Variants in PIBF1 observed in about 807,000 individuals in gnomAD.
PIBF1 encodes the protein progesterone immunomodulatory binding factor 1.
A neutral mutation model predicts 112.5 loss-of-function variants in PIBF1; 90 were observed. The ratio of observed to expected loss-of-function variants is 0.80; its 90% confidence interval spans 0.67 to 0.95. PIBF1 has a LOEUF of 0.95. Among genes scored for constraint, PIBF1 ranks in the 40% least tolerant of loss-of-function variants. The pLI is 0.00. For missense variants in PIBF1, 915 were observed against 852.3 expected, an observed-to-expected ratio of 1.07 and a Z score of -0.92; for synonymous variants, 301 against 288.6, an observed-to-expected ratio of 1.04 and a Z score of -0.44.
intron 9 of PIBF1, among the ~76,000 whole-genome samples, chr13:72,847,021 G>C (rs891064398): frequency 6.6e-6 from 1 of 152,184 alleles, no homozygotes; most frequent in Non-Finnish European, 1.5e-5. Context: ...GATCAGGACT[G>C]AGTGTCGTTT....
intron 5 of PIBF1, 50 bp downstream of exon 5, chr13:72,798,076 A>G (rs1451023249): frequency 6.5e-7 from 1 of 1,541,532 alleles, no homozygotes; most frequent in South Asian, 1.3e-5. Flanking sequence ...CTTTTTCTGT[A>G]GAGTCCCTCA....
chr13:72,975,710 A>G (rs1352110370), intron 16 of PIBF1, among the ~76,000 whole-genome samples: 1 of 152,164 alleles, frequency 6.6e-6, no homozygotes, highest in Non-Finnish European at 1.5e-5. Flanking sequence ...CTCTGAAGAT[A>G]TTTATTCTTT....
chr13:72,909,489 T>C (rs2040822616), intron 12 of PIBF1, among the ~76,000 whole-genome samples: 1 of 149,448 alleles, frequency 6.7e-6, no homozygotes, highest in Admixed American at 6.7e-5. Flanking sequence ...ATTAGTCTTT[T>C]CTTTTTTCTT....
At chr13:72,811,621 G>A (rs955255116) in intron 5 of PIBF1, among the ~76,000 whole-genome samples, 49 of 148,252 alleles carry the variant, frequency 3.3e-4, no homozygotes, top group Non-Finnish European at 4.5e-5. Flanking sequence ...AGAGAGAAAT[G>A]TATATATTAA....
intron 10 of PIBF1, among the ~76,000 whole-genome samples, chr13:72,864,118 T>G (rs1486911530): frequency 6.6e-6 from 1 of 152,224 alleles, no homozygotes; most frequent in African/African-American, 2.4e-5. Context: ...CATAAGCACT[T>G]ATTAACTAAA....
At chr13:72,912,928 T>G in intron 12 of PIBF1, among the ~76,000 whole-genome samples, 1 of 151,900 alleles carries the variant, frequency 6.6e-6, no homozygotes, top group Non-Finnish European at 1.5e-5. Context: ...TTATACTATA[T>G]GATTATAGTA....
At chr13:72,831,749 T>C (rs1171754342) in intron 8 of PIBF1, among the ~76,000 whole-genome samples, 1 of 152,158 alleles carries the variant, frequency 6.6e-6, no homozygotes, top group African/African-American at 2.4e-5. Flanking sequence ...AGTTCTGTAA[T>C]GTCTATTAGG....
chr13:72,960,608 T>G (rs1000424263), intron 14 of PIBF1, among the ~76,000 whole-genome samples: 3 of 152,176 alleles, frequency 2.0e-5, no homozygotes, highest in Non-Finnish European at 4.4e-5. Flanking sequence ...AATTCATAAA[T>G]GTTCTTAGTT....
intron 12 of PIBF1, among the ~76,000 whole-genome samples, chr13:72,909,899 T>C: frequency 6.6e-6 from 1 of 152,190 alleles, no homozygotes; most frequent in Admixed American, 6.6e-5. Context: ...CCTCTTGTTA[T>C]CTTCCTGTCT....
At chr13:72,835,047 G>A (rs2037294052) in intron 8 of PIBF1, among the ~76,000 whole-genome samples, 196 bp from the exon 9 acceptor site, 1 of 151,990 alleles carries the variant, frequency 6.6e-6, no homozygotes, top group Admixed American at 6.6e-5. Context: ...TGTTTAACAG[G>A]TTGAAATCTT....
intron 4 of PIBF1, among the ~76,000 whole-genome samples, chr13:72,796,638 TTTG>T (rs1264739816): frequency 1.4e-5 from 2 of 146,898 alleles, no homozygotes; most frequent in Non-Finnish European, 3.0e-5. Context: ...AAGTTACTTT[TTTG>T]TTCAGCTGTT....
At chr13:72,879,011 C>T (rs1266648217) in intron 10 of PIBF1, among the ~76,000 whole-genome samples, 2 of 152,168 alleles carry the variant, frequency 1.3e-5, no homozygotes, top group African/African-American at 4.8e-5. Context: ...ATTTAAAGTG[C>T]ATTTCTTGTA....
intron 11 of PIBF1, 57 bp downstream of exon 11, chr13:72,894,006 A>G (rs951106139): frequency 4.1e-5 from 38 of 935,186 alleles, no homozygotes; most frequent in African/African-American, 3.7e-4. Flanking sequence ...CCCTAAGTAC[A>G]AGATTTATAT....
chr13:72,821,861 G>T lies in PIBF1; in HGVS notation c.685G>T (p.Asp229Tyr), dbSNP rs370018345. 6.2e-7 allele frequency: 1 copy of T among 1,611,222 alleles called. No homozygotes were observed. The highest frequency in any genetic ancestry group is 2.2e-5 in the East Asian group (1 of 44,700). ...LKQLTETYEE[D>Y]RKNYSEVQIR... ...CTTTGGTTTATAGACATATGAGGAAGATCGAAAAAACTACTCTGAAGTTCA... is the reference window on the plus strand; with the variant it reads ...CTTTGGTTTATAGACATATGAGGAATATCGAAAAAACTACTCTGAAGTTCA... The change falls in exon 6 of 18, where the codon GAT (aspartate) becomes TAT (tyrosine). Residue 229 changes from aspartate (D) to tyrosine (Y), a missense_variant. By Grantham distance (160) the Asp-to-Tyr change is radical. Coordinates refer to ENST00000326291, the MANE Select transcript of PIBF1 (RefSeq NM_006346.4).
At chr13:72,882,157 T>C (rs1349017369) in intron 10 of PIBF1, among the ~76,000 whole-genome samples, 2 of 152,122 alleles carry the variant, frequency 1.3e-5, no homozygotes, top group African/African-American at 4.8e-5. Context: ...AGCAAACTTA[T>C]TTTTGAGAAA....
intron 2 of PIBF1, among the ~76,000 whole-genome samples, chr13:72,790,144 G>C (rs939154026): frequency 6.6e-5 from 10 of 152,104 alleles, no homozygotes. Flanking sequence ...AGACTATGTA[G>C]TCAGAAAAGC....
chr13:72,984,239 TATA>T (rs1282987642), intron 16 of PIBF1, among the ~76,000 whole-genome samples: 5 of 152,306 alleles, frequency 3.3e-5, no homozygotes, highest in Middle Eastern at 6.8e-3. Flanking sequence ...CTTGAATTTT[TATA>T]ATCTTTTTCT....
chr13:72,869,711 G>A (rs913525214), intron 10 of PIBF1, among the ~76,000 whole-genome samples: 1 of 152,014 alleles, frequency 6.6e-6, no homozygotes, highest in Middle Eastern at 3.4e-3. Flanking sequence ...TTATTCTTAT[G>A]TATGAGTTTT....
At chr13:73,010,191 C>A (rs2044150154) in intron 17 of PIBF1, among the ~76,000 whole-genome samples, 1 of 151,762 alleles carries the variant, frequency 6.6e-6, no homozygotes, top group African/African-American at 2.4e-5. Flanking sequence ...ACAGAACTTA[C>A]CCCCACTATG....
Sources: allele counts gnomAD v4.1 joint callset (sites outside exome capture counted in the v4.1 genomes callset), GRCh38; gene constraint gnomAD v4.1.1; transcripts MANE v1.5; gene names NCBI Gene and HGNC (gene_info 2026-07-23, HGNC 2026-07-21).